Variants in CHD6 observed in about 807,000 individuals in gnomAD.
The protein encoded by CHD6 is chromodomain helicase DNA binding protein 6, also known as ATP-dependent chromatin remodeler CHD6.
Under a neutral mutation model 276.9 loss-of-function variants are expected in CHD6, and 50 were observed. That is an observed-to-expected ratio of 0.18 (90% CI 0.14 to 0.23). The LOEUF is 0.23. CHD6 is among the 10% of genes least tolerant of loss of function. CHD6 has a pLI of 1.00. For missense variants in CHD6, 2,564 were observed against 3,365.8 expected (o/e 0.76, Z 5.89); for synonymous variants, 1,173 against 1,229.3 (o/e 0.95, Z 0.96).
chr20:41,497,852 T>C, intron 7 of CHD6: 1 of 434,992 alleles, frequency 2.3e-6, no homozygotes, highest in Non-Finnish European at 4.2e-6. Flanking sequence ...TACAGGAGAG[T>C]GGTTCTCTAC....
chr20:41,458,976 G>T (rs2048461073), intron 17 of CHD6, among the ~76,000 whole-genome samples: 1 of 152,102 alleles, frequency 6.6e-6, no homozygotes, highest in South Asian at 2.1e-4. Context: ...TGGAGCCTTG[G>T]ACTTCTGCTC....
intron 1 of CHD6, among the ~76,000 whole-genome samples, chr20:41,555,228 T>TG (rs2045210084): frequency 1.2e-5 from 1 of 85,254 alleles, no homozygotes; most frequent in Admixed American, 1.2e-4. Context: ...GCTGGCCGGG[T>TG]GGGGGGCTGA....
chr20:41,431,776 CTTT>C (rs61227802), intron 27 of CHD6, among the ~76,000 whole-genome samples: 6 of 104,728 alleles, frequency 5.7e-5, no homozygotes, highest in Admixed American at 2.0e-4. Flanking sequence ...AAAAAACATG[CTTT>C]TTTTTTTTTT....
chr20:41,429,840 A>G (rs565072936), intron 27 of CHD6, among the ~76,000 whole-genome samples: 4 of 152,294 alleles, frequency 2.6e-5, no homozygotes, highest in African/African-American at 9.6e-5. Flanking sequence ...CAGCCCCGCT[A>G]AAGAGGGAAC....
chr20:41,549,216 C>T (rs1034708549), intron 2 of CHD6, among the ~76,000 whole-genome samples: 29 of 152,014 alleles, frequency 1.9e-4, no homozygotes, highest in Admixed American at 1.8e-3. Context: ...TGGCACTATT[C>T]ACAATAGCAA....
Position 41,452,847 on chromosome 20 carries a change from G to C in CHD6, c.3216C>G (p.Asp1072Glu). 1 of 1,613,486 alleles carries C rather than the reference G, an allele frequency of 6.2e-7. No individual in the cohort carries two copies. The highest frequency in any genetic ancestry group is 1.3e-5 in the African/African-American group (1 of 74,808). The stretch of plus-strand genomic sequence containing the variant: ...TCGTGGGCCTTTCGTCTGAGTCGCT[G>C]TCTAACTCTGAAAACTCCATGAGCT... Reference protein sequence around the residue: ...EDELMEFSELDSDSDERPTRS... With the variant: ...EDELMEFSELESDSDERPTRS... The change falls in exon 21 of 37, where the codon GAC becomes GAG. Residue 1072 changes from aspartate to glutamate, a missense_variant. Physicochemically the swap from Asp to Glu is conservative, Grantham distance 45. Transcript: ENST00000373233. This position sits in a 1 kb window ranked among gnomAD's most constrained non-coding sequence, Gnocchi z 4.2.
intron 3 of CHD6, among the ~76,000 whole-genome samples, chr20:41,523,827 C>T (rs890246693): frequency 7.9e-5 from 12 of 152,118 alleles, no homozygotes; most frequent in African/African-American, 2.9e-4. Flanking sequence ...GTACATGTCA[C>T]GACATCGTAC....
intron 3 of CHD6, among the ~76,000 whole-genome samples, chr20:41,519,815 T>C (rs191139259): frequency 6.6e-5 from 10 of 152,192 alleles, no homozygotes; most frequent in African/African-American, 2.4e-4. Context: ...AAAGCCAAAA[T>C]TGACAAATGG....
At chr20:41,611,681 G>C (rs1201830742) in intron 1 of CHD6, among the ~76,000 whole-genome samples, 1 of 151,868 alleles carries the variant, frequency 6.6e-6, no homozygotes, top group Non-Finnish European at 1.5e-5. Context: ...GGAGTGCGAT[G>C]GCGTGATCTC....
At chr20:41,541,272 G>A (rs939504596) in intron 2 of CHD6, among the ~76,000 whole-genome samples, 1 of 152,144 alleles carries the variant, frequency 6.6e-6, no homozygotes, top group Admixed American at 6.5e-5. Flanking sequence ...TTTATGATGG[G>A]TTTGTCAGGA....
chr20:41,524,048 G>C (rs904558465), intron 3 of CHD6, among the ~76,000 whole-genome samples: 6 of 152,130 alleles, frequency 3.9e-5, no homozygotes, highest in Non-Finnish European at 5.9e-5. Context: ...AAGACATGTA[G>C]AGTCTCAGAA....
At chr20:41,440,313 T>A (rs912815308) in intron 25 of CHD6, among the ~76,000 whole-genome samples, 184 bp from the exon 26 acceptor site, 1 of 152,156 alleles carries the variant, frequency 6.6e-6, no homozygotes, top group African/African-American at 2.4e-5. Context: ...AGCGGACACC[T>A]TTGAGTAGTG....
At chr20:41,532,819 T>C (rs967180896) in intron 3 of CHD6, among the ~76,000 whole-genome samples, 7 of 152,224 alleles carry the variant, frequency 4.6e-5, no homozygotes, top group African/African-American at 1.7e-4. Flanking sequence ...AATGTCGTTT[T>C]TGAAATACCA....
At chr20:41,550,476 A>G (rs554564784) in intron 2 of CHD6, among the ~76,000 whole-genome samples, 1 of 152,332 alleles carries the variant, frequency 6.6e-6, no homozygotes, top group South Asian at 2.1e-4. Flanking sequence ...CCTTGTAACC[A>G]TAACCCTAAC....
intron 1 of CHD6, among the ~76,000 whole-genome samples, chr20:41,583,999 A>T (rs2045567166): frequency 6.6e-6 from 1 of 152,156 alleles, no homozygotes; most frequent in South Asian, 2.1e-4. Flanking sequence ...TGGCAAGATA[A>T]CAGACTTAAA....
At chr20:41,443,722 T>C (rs1037062333) in intron 25 of CHD6, among the ~76,000 whole-genome samples, 4 of 152,210 alleles carry the variant, frequency 2.6e-5, no homozygotes, top group African/African-American at 9.7e-5. Context: ...ACCACAGAGC[T>C]TTTTCTTGCT....
intron 2 of CHD6, among the ~76,000 whole-genome samples, chr20:41,536,424 T>C (rs1449504619): frequency 1.3e-5 from 2 of 152,186 alleles, no homozygotes; most frequent in Non-Finnish European, 2.9e-5. Flanking sequence ...TGAATCTAGA[T>C]AAACTGGATC....
chr20:41,533,705 C>G, intron 2 of CHD6, 135 bp from the exon 3 acceptor site: 1 of 806,686 alleles, frequency 1.2e-6, no homozygotes, highest in South Asian at 1.8e-5. Context: ...TCCTATTGTG[C>G]TAGGCCTTGG....
At chr20:41,493,098 G>C (rs1488416104) in intron 10 of CHD6, among the ~76,000 whole-genome samples, 1 of 152,062 alleles carries the variant, frequency 6.6e-6, no homozygotes, top group African/African-American at 2.4e-5. Flanking sequence ...GGGAGTCACA[G>C]GGATCTGCAG....
Sources: allele counts gnomAD v4.1 joint callset (sites outside exome capture counted in the v4.1 genomes callset), GRCh38; gene constraint gnomAD v4.1.1; non-coding constraint Gnocchi (gnomAD v3.1); transcripts MANE v1.5; gene names NCBI Gene and HGNC (gene_info 2026-07-23, HGNC 2026-07-21).